Variants in FAM53A observed in about 807,000 individuals in gnomAD.
FAM53A encodes the protein family with sequence similarity 53 member A, also known as protein FAM53A.
In FAM53A, 28 loss-of-function variants were observed where a neutral mutation model predicts 26.6. The observed-to-expected ratio is 1.05, with a 90% CI of 0.78 to 1.45. The LOEUF (loss-of-function observed/expected upper bound fraction) is 1.45. FAM53A is among the 40% of genes most tolerant of loss of function. FAM53A has a pLI of 0.00. For missense variants in FAM53A, 650 were observed against 575.8 expected, an observed-to-expected ratio of 1.13 and a Z score of -1.32; for synonymous variants, 290 against 253.1, an observed-to-expected ratio of 1.15 and a Z score of -1.38.
intron 1 of FAM53A, among the ~76,000 whole-genome samples, chr4:1,622,297 G>A (rs562833588): frequency 9.2e-5 from 14 of 152,328 alleles, no homozygotes; most frequent in African/African-American, 3.1e-4. Context: ...TGGGGGTGAC[G>A]ACAGGGGCAG....
At chr4:1,634,906 A>AAT (rs1008352120), downstream of FAM53A, among the ~76,000 whole-genome samples, 7 of 152,012 alleles carry the variant, frequency 4.6e-5, no homozygotes, top group African/African-American at 1.7e-4. Flanking sequence ...GTCTCAAAAA[A>AAT]AAAAAAATAA....
chr4:1,651,961 A>C (rs1712828505), intron 4 of FAM53A, among the ~76,000 whole-genome samples: 1 of 151,268 alleles, frequency 6.6e-6, no homozygotes, highest in Non-Finnish European at 1.5e-5. Context: ...ACACACACAC[A>C]CACCATGCAC....
chr4:1,578,238 A>T, the FAM53A span, among the ~76,000 whole-genome samples: 1 of 152,146 alleles, frequency 6.6e-6, no homozygotes, highest in Non-Finnish European at 1.5e-5. Flanking sequence ...CTGCCTATTA[A>T]TTCTCCTAAT....
the FAM53A span, among the ~76,000 whole-genome samples, chr4:1,591,000 AT>A: frequency 8.0e-6 from 1 of 125,106 alleles, no homozygotes; most frequent in East Asian, 2.4e-4. Flanking sequence ...ATATATATAT[AT>A]AATCATTCTA....
chr4:1,605,897 G>A, the FAM53A span, among the ~76,000 whole-genome samples: 28 of 152,242 alleles, frequency 1.8e-4, no homozygotes, highest in African/African-American at 6.7e-4. The surrounding 1 kb of genome is among the most constrained non-coding windows in gnomAD (Gnocchi z 5.7). Context: ...AGTTCAGGGG[G>A]ACCCTCGTTG....
chr4:1,631,595 G>A (rs1715614506), intron 1 of FAM53A, among the ~76,000 whole-genome samples: 1 of 152,180 alleles, frequency 6.6e-6, no homozygotes, highest in Non-Finnish European at 1.5e-5. Context: ...TATCCACGGT[G>A]CACTGGGCAG....
At position 1,649,158 on chromosome 4, in the gene FAM53A, AGGGAAG is replaced by A. The variant is rs1468676080; in HGVS notation, c.882+5814_882+5819del. On this transcript the variant is annotated intron_variant, in intron 4 of 4. Transcript: ENST00000308132. The stretch of plus-strand genomic sequence containing the variant: ...AGGGGAAGGGGAAAGGGAAGGGGAA[AGGGAAG>A]GGGAAAGGGAAAGGGAAGGGGAAGG... 4.6e-3 allele frequency among the ~76,000 whole-genome samples: 377 copies of A among 81,966 alleles called. 1 individual carries two copies. Among genetic ancestry groups the A allele is most frequent in the African/African-American group, 0.017 (348 of 20,488 alleles). 53.8% of individuals were successfully genotyped at this position (81,966 alleles called of 152,430 possible).
intron 2 of FAM53A, among the ~76,000 whole-genome samples, chr4:1,665,859 G>A (rs568326176): frequency 4.4e-4 from 67 of 152,208 alleles, no homozygotes; most frequent in Admixed American, 9.2e-4. Flanking sequence ...GGGCTGAAGA[G>A]CTACCTACTG....
downstream of FAM53A, among the ~76,000 whole-genome samples, chr4:1,614,243 C>G (rs548691441): frequency 6.6e-6 from 1 of 152,152 alleles, no homozygotes; most frequent in Non-Finnish European, 1.5e-5. Context: ...GTCTGCAGAC[C>G]CTGGGGCTCC....
the FAM53A span, among the ~76,000 whole-genome samples, chr4:1,596,603 C>T: frequency 6.6e-6 from 1 of 152,198 alleles, no homozygotes; most frequent in Non-Finnish European, 1.5e-5. Context: ...ATGCCCTCTA[C>T]AGGGACCAGA....
At chr4:1,637,190 TG>T (rs1715882244), downstream of FAM53A, among the ~76,000 whole-genome samples, 2 of 113,142 alleles carry the variant, frequency 1.8e-5, no homozygotes, top group African/African-American at 3.3e-5. Flanking sequence ...CATGCTCGGG[TG>T]GGGGGTGGGG....
In FAM53A at chr4:1,640,646, CA is replaced by C. The variant is rs1560131503; in HGVS notation, c.*646del. On this transcript the variant is annotated 3_prime_UTR_variant, in exon 5 of 5. Transcript: ENST00000308132. ...CTCTGTGCCCCAGGGCAGGTGCCGG[CA>C]GCAGCCATGGCCCCGACCAGCTCAC... 5.4e-6 allele frequency: 2 copies of C among 368,802 alleles called. No individual in the cohort carries two copies. The highest frequency in any genetic ancestry group is 1.1e-4 in the East Asian group (1 of 9,280). 22.8% of individuals were successfully genotyped at this position (368,802 alleles called of 1,614,324 possible). A position where few individuals can be genotyped will look rare whatever the true frequency, so the allele number is the denominator to read the frequency against.
chr4:1,629,585 C>A (rs1349312612), intron 1 of FAM53A, among the ~76,000 whole-genome samples: 7 of 152,204 alleles, frequency 4.6e-5, no homozygotes, highest in Non-Finnish European at 1.0e-4. Context: ...CTGTGGCTGC[C>A]CGCACGGGTC....
chr4:1,658,188 T>A (rs1262471572), intron 2 of FAM53A, among the ~76,000 whole-genome samples: 1 of 151,516 alleles, frequency 6.6e-6, no homozygotes, highest in Non-Finnish European at 1.5e-5. Context: ...TTTTGTTTTT[T>A]TAAATATATT....
At chr4:1,685,185 C>G (rs1715741062), upstream of FAM53A, among the ~76,000 whole-genome samples, 1 of 152,136 alleles carries the variant, frequency 6.6e-6, no homozygotes, top group Admixed American at 6.5e-5. Flanking sequence ...TCTGGAGATT[C>G]CACTGAGGTA....
intron 1 of FAM53A, among the ~76,000 whole-genome samples, chr4:1,678,007 T>C (rs915500091): frequency 1.3e-5 from 2 of 152,092 alleles, no homozygotes; most frequent in Non-Finnish European, 2.9e-5. Context: ...CACATGATAT[T>C]ACAGGAGAAG....
At chr4:1,674,137 C>T (rs1381719586) in intron 1 of FAM53A, among the ~76,000 whole-genome samples, 2 of 152,204 alleles carry the variant, frequency 1.3e-5, no homozygotes, top group Non-Finnish European at 2.9e-5. Context: ...CAACAGGTGC[C>T]TCCTTCTGGA....
At chr4:1,650,403 G>A (rs1410789883) in intron 4 of FAM53A, among the ~76,000 whole-genome samples, 4 of 147,154 alleles carry the variant, frequency 2.7e-5, no homozygotes, top group African/African-American at 1.0e-4. Context: ...TGGCATAGGC[G>A]TGGTGTTTGA....
chr4:1,598,812 G>C, the FAM53A span, among the ~76,000 whole-genome samples: 3 of 152,274 alleles, frequency 2.0e-5, no homozygotes, highest in African/African-American at 4.8e-5. Context: ...GGCGGGCGGA[G>C]CGTAATGAAA....
Sources: gnomAD v4.1 joint callset for allele counts (sites outside exome capture counted in the v4.1 genomes callset) on GRCh38, gnomAD v4.1.1 for gene constraint, Gnocchi (gnomAD v3.1) non-coding constraint, MANE v1.5 for transcripts, NCBI Gene and HGNC (gene_info 2026-07-23, HGNC 2026-07-21) for gene names.